The following KCNH2 variants were observed in gnomAD, a reference collection of about 807,000 sequenced individuals.
KCNH2 encodes the protein potassium voltage-gated channel subfamily H member 2.
In KCNH2, 35 loss-of-function variants were observed where a neutral mutation model predicts 95.9. The ratio of observed to expected loss-of-function variants is 0.37; its 90% CI spans 0.28 to 0.48. The LOEUF is 0.48. Among genes scored for constraint, KCNH2 ranks in the 20% least tolerant of loss-of-function variants. KCNH2 has a pLI of 0.99. For synonymous variants in KCNH2, 786 were observed against 754.7 expected, an observed-to-expected ratio of 1.04 and a Z score of -0.68; for missense variants, 1,274 against 1,702.9, an observed-to-expected ratio of 0.75 and a Z score of 4.43.
chr7:150,968,206 AGTTAAG>A (rs1488311793), intron 2 of KCNH2, among the ~76,000 whole-genome samples: 2 of 152,228 alleles, frequency 1.3e-5, no homozygotes, highest in Non-Finnish European at 2.9e-5. Context: ...GGCAGTACTT[AGTTAAG>A]TGTCCACATG....
intron 2 of KCNH2, among the ~76,000 whole-genome samples, chr7:150,965,891 C>T (rs1310707314): frequency 1.3e-5 from 2 of 152,234 alleles, no homozygotes; most frequent in African/African-American, 4.8e-5. Context: ...TCCAGGGGCA[C>T]AGCCCACCCT....
chr7:150,965,966 G>A (rs1001602980), intron 2 of KCNH2, among the ~76,000 whole-genome samples: 4 of 152,258 alleles, frequency 2.6e-5, no homozygotes, highest in African/African-American at 7.2e-5. Flanking sequence ...GACAGCAGAT[G>A]GAGCAACCAT....
chr7:150,950,123 C>A, intron 9 of KCNH2, 45 bp downstream of exon 9: 1 of 1,611,192 alleles, frequency 6.2e-7, no homozygotes, highest in Non-Finnish European at 8.5e-7. Context: ...CCTCTTGAGG[C>A]TGCAGAGGGC....
rs794728376 is a variant in KCNH2, at chr7:150,951,660, T to G, written c.1733A>C (p.His578Pro). 1.2e-6 allele frequency: 2 copies of G among 1,614,240 alleles called. No individual in the cohort carries two copies. The highest frequency in any genetic ancestry group is 1.7e-6 in the Non-Finnish European group (2 of 1,180,038). Reference protein sequence around the residue: ...WYAIGNMEQPHMDSRIGWLHN... With the variant: ...WYAIGNMEQPPMDSRIGWLHN... ...CAGCCAGCCGATGCGTGAGTCCATG[T>G]GTGGCTGCTCCATGTTGCCGATGGC... Residue 578 changes from histidine (H) to proline (P), a missense_variant, in exon 7 of 15, where the codon CAC (histidine) becomes CCC (proline). By Grantham distance (77) the His-to-Pro change is moderately conservative. Transcript: ENST00000262186.
intron 1 of KCNH2, 114 bp from the exon 2 acceptor site, chr7:150,975,055 A>C (rs925873033): frequency 2.2e-6 from 2 of 901,848 alleles, no homozygotes; most frequent in African/African-American, 4.2e-5. Context: ...CGCCACAGGA[A>C]GCATGGCTGG....
Position 150,950,441 on chromosome 7 carries a change from G to C in KCNH2, c.2146-21C>G, listed in dbSNP as rs560159134. The C allele has an allele frequency of 1.4e-5, 23 of 1,609,538 alleles. No individual in the cohort carries two copies. In the East Asian group the frequency reaches 4.7e-4, roughly 33 times the overall value. ...AGCACCTGGGGGCAGGGTGGGGGCAGCTCAGCACACCCTCCCTTGGGACCC... is the reference window on the plus strand; with the variant it reads ...AGCACCTGGGGGCAGGGTGGGGGCACCTCAGCACACCCTCCCTTGGGACCC... On this transcript the variant is annotated intron_variant, in intron 8 of 14. Transcript: ENST00000262186.
At position 150,946,668 on chromosome 7, in the gene KCNH2, G is replaced by C. The variant is rs560669625; in HGVS notation, c.3330+209C>G. ...GTTCCCTGCACCCAGCTGTCTAGGG[G>C]CTTTGGACGGGGGACTCTCCTGCCC... On this transcript the variant is annotated intron_variant, in intron 14 of 14. Coordinates refer to ENST00000262186, the MANE Select transcript of KCNH2 (RefSeq NM_000238.4). This position sits in a 1 kb window ranked among gnomAD's most constrained non-coding sequence, Gnocchi z 6.5. Among the ~76,000 whole-genome samples, 16 of 152,296 alleles carry C rather than the reference G, an allele frequency of 1.1e-4. No individual in the cohort carries two copies. Among genetic ancestry groups the C allele is most frequent in the African/African-American group, 3.8e-4 (16 of 41,570 alleles).
rs1202826356 is a variant in KCNH2, at chr7:150,961,276, C to T, written c.308-1540G>A. On this transcript the variant is annotated intron_variant, in intron 2 of 14. Transcript: ENST00000262186. The surrounding 1 kb of genome is among the most constrained non-coding windows in gnomAD (Gnocchi z 6.2). ...GACAAACCATGCAGTCCCACTCCAT[C>T]TTAGCAACCCAGCCTCACTTTTTTT... Among the ~76,000 whole-genome samples, 2 of 150,088 alleles carry T rather than the reference C, an allele frequency of 1.3e-5. No homozygotes were observed. Among genetic ancestry groups the T allele is most frequent in the Non-Finnish European group, 2.9e-5 (2 of 67,844 alleles).
intron 5 of KCNH2, among the ~76,000 whole-genome samples, chr7:150,953,271 C>T (rs1186355293): frequency 6.6e-6 from 1 of 152,150 alleles, no homozygotes; most frequent in Non-Finnish European, 1.5e-5. Context: ...GGGCAGTGGC[C>T]CCAGGAGCCA....
intron 7 of KCNH2, 67 bp downstream of exon 7, chr7:150,951,381 C>G: frequency 6.3e-7 from 1 of 1,595,468 alleles, no homozygotes; most frequent in Non-Finnish European, 8.6e-7. Context: ...CTAGCAGCCT[C>G]AGTTTCCTCC....
rs766203252 is a variant in KCNH2, at chr7:150,957,366, C to G, written c.1053G>C (p.Ser351=). 3.1e-6 allele frequency: 5 copies of G among 1,613,182 alleles called. No individual in the cohort carries two copies. The highest frequency in any genetic ancestry group is 3.4e-6 in the Non-Finnish European group (4 of 1,179,674). The change falls in exon 5 of 15, where the codon TCG becomes TCC. Residue 351 remains serine (S), a synonymous_variant. Coordinates refer to ENST00000262186, the MANE Select transcript of KCNH2 (RefSeq NM_000238.4). ...VDLKGDPFLA[S]PTSDREIIAP... ...CTATGATCTCACGGTCACTGGTGGGCGAAGCCAAGAAGGGGTCGCCCTTGA... is the reference window on the plus strand; with the variant it reads ...CTATGATCTCACGGTCACTGGTGGGGGAAGCCAAGAAGGGGTCGCCCTTGA...
intron 2 of KCNH2, among the ~76,000 whole-genome samples, chr7:150,967,629 C>T (rs573946821): frequency 5.3e-5 from 8 of 152,276 alleles, no homozygotes; most frequent in South Asian, 4.2e-4. Context: ...ACACCACATA[C>T]GGGGTAGTCT....
At chr7:150,967,726 C>T (rs148018631) in intron 2 of KCNH2, among the ~76,000 whole-genome samples, 1 of 152,302 alleles carries the variant, frequency 6.6e-6, no homozygotes, top group African/African-American at 2.4e-5. Context: ...TGAGACACTT[C>T]AAAAGTACAA....
chr7:150,950,416 A>G lies in KCNH2; in HGVS notation c.2150T>C (p.Leu717Pro). Reference protein sequence around the residue: ...YTNGIDMNAVLKGFPECLQAD... With the variant: ...YTNGIDMNAVPKGFPECLQAD... ...CTGCAGGCACTCAGGGAAGCCCTTC[A>G]GCACCTGGGGGCAGGGTGGGGGCAG... The change falls in exon 9 of 15, where the codon CTG becomes CCG. Residue 717 changes from leucine (L) to proline (P), a missense_variant. Leu to Pro is a moderately conservative substitution (Grantham distance 98). Transcript: ENST00000262186. The G allele has an allele frequency of 6.2e-7, 1 of 1,611,596 alleles. No individual in the cohort carries two copies. Among genetic ancestry groups the G allele is most frequent in the East Asian group, 2.2e-5 (1 of 44,870 alleles).
At chr7:150,968,100 A>G (rs922410618) in intron 2 of KCNH2, among the ~76,000 whole-genome samples, 2 of 152,248 alleles carry the variant, frequency 1.3e-5, no homozygotes, top group African/African-American at 4.8e-5. Flanking sequence ...CACCTATTAG[A>G]TTGGCAAAAT....
In KCNH2 at chr7:150,970,409, ACGGAGAAGCCG is replaced by A. The variant is rs569411981; in HGVS notation, c.307+4291_307+4301del. On this transcript the variant is annotated intron_variant, in intron 2 of 14. Transcript: ENST00000262186. The stretch of plus-strand genomic sequence containing the variant: ...CTCCGGGGGCTGCAGAAGACGCAAC[ACGGAGAAGCCG>A]CTCTCCCGACGCTCTCCAGACCCCA... Among the ~76,000 whole-genome samples, 110 of 152,174 alleles carry A rather than the reference ACGGAGAAGCCG, an allele frequency of 7.2e-4. 1 individual carries two copies. The Middle Eastern group carries it at 0.02, about 28-fold the overall frequency.
intron 5 of KCNH2, among the ~76,000 whole-genome samples, chr7:150,953,424 C>T (rs1455222143): frequency 6.6e-6 from 1 of 152,230 alleles, no homozygotes; most frequent in South Asian, 2.1e-4. Flanking sequence ...CCCTCAGCCC[C>T]CTCTCCACAC....
At chr7:150,949,071 G>A in intron 9 of KCNH2, 22 bp from the exon 10 acceptor site, 5 of 1,610,100 alleles carry the variant, frequency 3.1e-6, no homozygotes, top group Non-Finnish European at 3.4e-6. Context: ...GGAGAGGACA[G>A]GGAGCTCAGC....
At chr7:150,959,922 C>T (rs529497235) in intron 2 of KCNH2, among the ~76,000 whole-genome samples, 186 bp from the exon 3 acceptor site, 44 of 152,338 alleles carry the variant, frequency 2.9e-4, no homozygotes, top group Non-Finnish European at 5.1e-4. Context: ...TATGGCTCCC[C>T]TCAATCTGTC....
Sources: allele counts gnomAD v4.1 joint callset (sites outside exome capture counted in the v4.1 genomes callset), GRCh38; gene constraint gnomAD v4.1.1; non-coding constraint Gnocchi (gnomAD v3.1); transcripts MANE v1.5; gene names NCBI Gene and HGNC (gene_info 2026-07-23, HGNC 2026-07-21).